AKAP9: variants seen among roughly 807,000 people sequenced by gnomAD.
The protein encoded by AKAP9 is A-kinase anchoring protein 9.
Under a neutral mutation model 488.5 loss-of-function variants are expected in AKAP9, and 311 were observed. That is an observed-to-expected ratio of 0.64 (90% CI 0.58 to 0.70). The LOEUF (loss-of-function observed/expected upper bound fraction) is 0.70. Among genes scored for constraint, AKAP9 ranks in the 30% least tolerant of loss-of-function variants. The pLI is 0.00. For synonymous variants in AKAP9, 1,462 were observed against 1,483.5 expected (o/e 0.99, Z 0.33); for missense variants, 4,215 against 4,374.5 (o/e 0.96, Z 1.03).
At chr7:91,949,420 C>G (rs1791917497) in intron 1 of AKAP9, among the ~76,000 whole-genome samples, 1 of 152,152 alleles carries the variant, frequency 6.6e-6, no homozygotes, top group Non-Finnish European at 1.5e-5. Flanking sequence ...AGCTGTTTTA[C>G]AAGTGCATGC....
At position 92,093,308 on chromosome 7, in the gene AKAP9, GGCTTTCA is replaced by G; in HGVS notation, c.9572_9578del (p.Ala3191GlyfsTer18). ...AGCATAAACACCTAAAAGAATTGGA[GGCTTTCA>G]GGTGTGCCAGGCTTCCTTATTAAAA... is the stretch of plus-strand genomic sequence containing the variant. On this transcript the variant is annotated frameshift_variant and splice_region_variant, in exon 39 of 50. Coordinates refer to ENST00000356239, the MANE Select transcript of AKAP9 (RefSeq NM_005751.5). LOFTEE classifies it high-confidence loss of function. The G allele has an allele frequency of 6.2e-7, 1 of 1,613,880 alleles. No individual in the cohort carries two copies. The highest frequency in any genetic ancestry group is 8.5e-7 in the Non-Finnish European group (1 of 1,179,944).
At position 92,025,985 on chromosome 7, in the gene AKAP9, G is replaced by A. The variant is rs144015838; in HGVS notation, c.4148+2976G>A. The stretch of plus-strand genomic sequence containing the variant: ...GAATTTAAACCCATGTCTTTGTGGC[G>A]TTTTTCACTGCACATCTGTAATACT... On this transcript the variant is annotated intron_variant, in intron 14 of 49. Transcript: ENST00000356239. Among the ~76,000 whole-genome samples, 110 of 152,276 alleles carry A rather than the reference G, an allele frequency of 7.2e-4. 1 individual carries two copies. The highest frequency in any genetic ancestry group is 3.4e-3 in the Middle Eastern group (1 of 294).
chr7:92,096,334 G>GTTTT (rs769758632), intron 40 of AKAP9, among the ~76,000 whole-genome samples: 2 of 123,960 alleles, frequency 1.6e-5, no homozygotes, highest in African/African-American at 2.9e-5. Flanking sequence ...AGTTTTTTTT[G>GTTTT]TTTTTTTTTT....
At chr7:92,109,517 T>A (rs1247798331) in intron 49 of AKAP9, among the ~76,000 whole-genome samples, 1 of 152,234 alleles carries the variant, frequency 6.6e-6, no homozygotes, top group African/African-American at 2.4e-5. Flanking sequence ...TTCAAAAATG[T>A]ATGAGGTATA....
chr7:92,106,952 A>G lies in AKAP9; in HGVS notation c.11417-341A>G, dbSNP rs114107453. 9.7e-3 allele frequency among the ~76,000 whole-genome samples: 1,479 copies of G among 152,262 alleles called. 33 individuals are homozygous for G. Among genetic ancestry groups the G allele is most frequent in the African/African-American group, 0.034 (1,410 of 41,540 alleles). On this transcript the variant is annotated intron_variant, in intron 47 of 49. Transcript: ENST00000356239. Reference sequence around the variant, plus strand: ...CATTGGTCTAATATTTTTTATCCACATCATTTCCCACAAGCCACACCCACT... The same window carrying G: ...CATTGGTCTAATATTTTTTATCCACGTCATTTCCCACAAGCCACACCCACT...
At chr7:92,098,087 A>T in intron 42 of AKAP9, 22 bp from the exon 43 acceptor site, 1 of 1,515,394 alleles carries the variant, frequency 6.6e-7, no homozygotes, top group Non-Finnish European at 9.2e-7. Context: ...GTATGTTTTG[A>T]CTTTTTGTCT....
At chr7:92,030,133 C>T (rs1803976538) in intron 15 of AKAP9, 142 bp downstream of exon 15, 1 of 633,658 alleles carries the variant, frequency 1.6e-6, no homozygotes. Flanking sequence ...ATAGAAAACT[C>T]AGAATACACA....
intron 1 of AKAP9, among the ~76,000 whole-genome samples, chr7:91,973,496 A>C (rs896012083): frequency 2.0e-5 from 3 of 152,134 alleles, no homozygotes; most frequent in Non-Finnish European, 4.4e-5. Flanking sequence ...TGACATTTTC[A>C]GTTCTTACCC....
At chr7:92,054,152 A>G (rs1252913734) in intron 22 of AKAP9, among the ~76,000 whole-genome samples, 1 of 152,176 alleles carries the variant, frequency 6.6e-6, no homozygotes, top group Non-Finnish European at 1.5e-5. Flanking sequence ...TTCCATGGAT[A>G]GATGTTTAAA....
intron 28 of AKAP9, among the ~76,000 whole-genome samples, chr7:92,071,765 T>C (rs1361540731): frequency 3.9e-5 from 6 of 152,214 alleles, no homozygotes; most frequent in African/African-American, 1.4e-4. Context: ...CAAATAGTTA[T>C]GAACTTAAGC....
Position 92,034,499 on chromosome 7 carries a change from T to TATATA in AKAP9, c.4338+2895_4338+2896insATATA, listed in dbSNP as rs11439002. 1.1e-3 allele frequency among the ~76,000 whole-genome samples: 65 copies of TATATA among 58,164 alleles called. 1 individual carries two copies. The highest frequency in any genetic ancestry group is 6.1e-4 in the Non-Finnish European group (18 of 29,464). The allele number at this position is 58,164 out of a possible 152,430, so 38.2% of individuals were successfully genotyped here. Reference sequence around the variant, plus strand: ...ATATATCTATATATATATATATATATTTTTTTTTTTTTTTTTTTTTGAGAT... The same window carrying TATATA: ...ATATATCTATATATATATATATATATATATATTTTTTTTTTTTTTTTTTTTGAGAT... On this transcript the variant is annotated intron_variant, in intron 16 of 49. Coordinates refer to ENST00000356239, the MANE Select transcript of AKAP9 (RefSeq NM_005751.5).
At chr7:91,971,652 C>G (rs562302177) in intron 1 of AKAP9, among the ~76,000 whole-genome samples, 12 of 142,142 alleles carry the variant, frequency 8.4e-5, no homozygotes, top group Non-Finnish European at 1.2e-4. Flanking sequence ...ACTGCAAGCT[C>G]TGCCTCCCGG....
At chr7:92,053,835 C>A (rs1049680770) in intron 22 of AKAP9, among the ~76,000 whole-genome samples, 3 of 152,108 alleles carry the variant, frequency 2.0e-5, no homozygotes, top group African/African-American at 7.2e-5. Context: ...GGCCCCACCC[C>A]AGACCTACTG....
chr7:91,969,602 A>G (rs1258320201), intron 1 of AKAP9, among the ~76,000 whole-genome samples: 1 of 152,176 alleles, frequency 6.6e-6, no homozygotes, highest in Non-Finnish European at 1.5e-5. Context: ...CTGGGTGCAT[A>G]GATATTTATA....
chr7:92,006,421 G>A lies in AKAP9; in HGVS notation c.3318+3186G>A, dbSNP rs184162917. On this transcript the variant is annotated intron_variant, in intron 8 of 49. Transcript: ENST00000356239. ...TTGCCTTGGCCTCCTGAAATGCTGG[G>A]ATTACAGGCATGAGTCTTTGTCACC... Among the ~76,000 whole-genome samples, 41 of 152,230 alleles carry A rather than the reference G, an allele frequency of 2.7e-4. No individual in the cohort carries two copies. The East Asian group carries it at 6.9e-3, about 26-fold the overall frequency.
chr7:92,032,802 A>G (rs1322869466), intron 16 of AKAP9, among the ~76,000 whole-genome samples: 1 of 152,160 alleles, frequency 6.6e-6, no homozygotes, highest in Non-Finnish European at 1.5e-5. Flanking sequence ...TCTTGGAGGA[A>G]TGCAAATTTT....
intron 1 of AKAP9, among the ~76,000 whole-genome samples, chr7:91,947,522 A>G (rs1339770823): frequency 1.3e-5 from 2 of 151,946 alleles, no homozygotes; most frequent in African/African-American, 4.8e-5. Context: ...TTTTATTTTT[A>G]GTAGAGACAG....
At chr7:92,074,647 T>C (rs1291531591) in intron 28 of AKAP9, among the ~76,000 whole-genome samples, 1 of 152,042 alleles carries the variant, frequency 6.6e-6, no homozygotes, top group Admixed American at 6.6e-5. Context: ...ATAAAGAAAA[T>C]GTGGCACATA....
In AKAP9 at chr7:92,040,739, G is replaced by A. The variant is rs1394216775; in HGVS notation, c.4758G>A (p.Gln1586=). The A allele has an allele frequency of 3.1e-6, 5 of 1,612,200 alleles. No homozygotes were observed. The Admixed American group carries it at 5.0e-5, about 16-fold the overall frequency. The change falls in exon 18 of 50, where the codon CAG becomes CAA. Residue 1586 remains glutamine (Q), a synonymous_variant. Transcript: ENST00000356239. ...GACAACTAATGTTGAATGAAGAACAGTTGGAAGATATGAGACAGGAACTTG... is the reference window on the plus strand; with the variant it reads ...GACAACTAATGTTGAATGAAGAACAATTGGAAGATATGAGACAGGAACTTG... The part of the protein sequence containing the change: ...ASRQLMLNEE[Q]LEDMRQELVR...
Sources: allele counts gnomAD v4.1 joint callset (sites outside exome capture counted in the v4.1 genomes callset), GRCh38; gene constraint gnomAD v4.1.1; transcripts MANE v1.5; gene names NCBI Gene and HGNC (gene_info 2026-07-23, HGNC 2026-07-21).